MAPK4: variants seen among roughly 807,000 people sequenced by gnomAD.
MAPK4 encodes the protein Erk3-related.
Under a neutral mutation model 47.7 loss-of-function variants are expected in MAPK4, and 22 were observed. The ratio of observed to expected loss-of-function variants is 0.46; its 90% CI spans 0.33 to 0.66. The LOEUF (loss-of-function observed/expected upper bound fraction) is 0.66. Ranked by LOEUF, MAPK4 falls within the 30% of genes least tolerant of loss-of-function variation. The probability of loss-of-function intolerance (pLI) is 0.02; values close to 1 mark genes in which losing one functional copy is unlikely to be tolerated. For synonymous variants in MAPK4, 390 were observed against 365.7 expected (o/e 1.07, Z -0.76); for missense variants, 736 against 831.7 (o/e 0.88, Z 1.42).
intron 1 of MAPK4, among the ~76,000 whole-genome samples, chr18:50,563,890 C>A (rs187003394): frequency 1.5e-4 from 23 of 152,276 alleles, no homozygotes; most frequent in Admixed American, 9.2e-4. Flanking sequence ...GAATGTAGGT[C>A]ACTGTGTTCT....
intron 1 of MAPK4, among the ~76,000 whole-genome samples, chr18:50,646,192 G>C (rs1053938920): frequency 6.6e-6 from 1 of 152,204 alleles, no homozygotes. Flanking sequence ...TTTTAAGCCA[G>C]AGGTTCTCAA....
intron 1 of MAPK4, among the ~76,000 whole-genome samples, chr18:50,580,554 C>T (rs1368975272): frequency 6.6e-6 from 1 of 152,172 alleles, no homozygotes; most frequent in Non-Finnish European, 1.5e-5. Context: ...AAGGGGACTT[C>T]CATCAACCTA....
chr18:50,637,248 C>T (rs1470792114), intron 1 of MAPK4, among the ~76,000 whole-genome samples: 1 of 152,156 alleles, frequency 6.6e-6, no homozygotes, highest in Non-Finnish European at 1.5e-5. Flanking sequence ...TTATTGAGCG[C>T]ATAGCATGGG....
chr18:50,722,497 G>A (rs1910986238), intron 4 of MAPK4, among the ~76,000 whole-genome samples: 1 of 152,176 alleles, frequency 6.6e-6, no homozygotes. Context: ...TGTGGCCTCA[G>A]GCAAGGACCG....
intron 1 of MAPK4, among the ~76,000 whole-genome samples, chr18:50,656,094 C>A (rs2043107281): frequency 6.6e-6 from 1 of 152,182 alleles, no homozygotes; most frequent in African/African-American, 2.4e-5. Flanking sequence ...TCAAGGAGGG[C>A]TTTTCAAGGC....
intron 1 of MAPK4, among the ~76,000 whole-genome samples, chr18:50,601,030 G>A (rs1190210745): frequency 6.6e-6 from 1 of 151,364 alleles, no homozygotes; most frequent in Admixed American, 6.6e-5. Flanking sequence ...GGCCGAGGTG[G>A]GCAGATCACT....
intron 1 of MAPK4, among the ~76,000 whole-genome samples, chr18:50,634,315 C>CTT (rs5824846): frequency 0.35 from 50,858 of 143,678 alleles, 9,179 homozygotes; most frequent in East Asian, 0.48. Flanking sequence ...TTTTTTTTTT[C>CTT]TTTTTTTTTT....
At chr18:50,686,663 G>A (rs569029181) in intron 2 of MAPK4, among the ~76,000 whole-genome samples, 1 of 152,324 alleles carries the variant, frequency 6.6e-6, no homozygotes, top group East Asian at 1.9e-4. Context: ...TCCAATGTGA[G>A]CCCAGTGGAC....
chr18:50,567,809 T>A (rs1272702716), intron 1 of MAPK4, among the ~76,000 whole-genome samples: 3 of 151,118 alleles, frequency 2.0e-5, no homozygotes, highest in Non-Finnish European at 4.4e-5. Flanking sequence ...ATTATCTATT[T>A]GAGTGTAGTG....
intron 1 of MAPK4, among the ~76,000 whole-genome samples, chr18:50,642,024 A>C (rs188177086): frequency 2.0e-4 from 31 of 152,342 alleles, no homozygotes; most frequent in Non-Finnish European, 2.2e-4. Flanking sequence ...CATGTAAAAC[A>C]AAATATGTTT....
chr18:50,721,441 A>AT (rs1423693140), intron 3 of MAPK4, among the ~76,000 whole-genome samples: 4 of 152,208 alleles, frequency 2.6e-5, no homozygotes, highest in Non-Finnish European at 5.9e-5. Context: ...TGTGCTCAAG[A>AT]TACATCCCAA....
chr18:50,729,392 G>C lies in MAPK4; in HGVS notation c.1302G>C (p.Ser434=). 1 of 1,564,374 alleles carries C rather than the reference G, an allele frequency of 6.4e-7. No homozygotes were observed. Among genetic ancestry groups the C allele is most frequent in the East Asian group, 2.3e-5 (1 of 42,654 alleles). Residue 434 remains serine, a synonymous_variant, in exon 6 of 6, where the codon TCG becomes TCC. Transcript: ENST00000400384. Reference sequence around the variant, plus strand: ...GCTCCTGCGACTACAAGGTGGGGTCGCCGTCCTACCTGGACAAGCTGCTGT... The same window carrying C: ...GCTCCTGCGACTACAAGGTGGGGTCCCCGTCCTACCTGGACAAGCTGCTGT... The part of the protein sequence containing the change: ...YGRSCDYKVG[S]PSYLDKLLWR...
chr18:50,721,358 G>C (rs1910925370), intron 3 of MAPK4, among the ~76,000 whole-genome samples: 3 of 152,192 alleles, frequency 2.0e-5, no homozygotes, highest in Non-Finnish European at 4.4e-5. Context: ...AGTCCATCCT[G>C]TCCCACCAAA....
intron 1 of MAPK4, among the ~76,000 whole-genome samples, chr18:50,648,375 C>A (rs935829819): frequency 6.6e-6 from 1 of 152,070 alleles, no homozygotes; most frequent in Non-Finnish European, 1.5e-5. Context: ...AAGACAGGTG[C>A]AGGCATGACC....
chr18:50,617,749 A>T lies in MAPK4; in HGVS notation c.-870-45340A>T, dbSNP rs542669363. Among the ~76,000 whole-genome samples the T allele has an allele frequency of 6.0e-4, 91 of 152,338 alleles. No homozygotes were observed. In the South Asian group the frequency reaches 0.018, roughly 31 times the overall value. ...CATGATTTAAAATCTTCTCTAGAAC[A>T]TTCCTGTTACAGCTTTACTACTACT... is the stretch of plus-strand genomic sequence containing the variant. On this transcript the variant is annotated intron_variant, in intron 1 of 5. Transcript: ENST00000400384.
chr18:50,671,853 G>A (rs544535632), intron 2 of MAPK4, among the ~76,000 whole-genome samples: 26 of 147,376 alleles, frequency 1.8e-4, no homozygotes, highest in African/African-American at 6.1e-4. Flanking sequence ...TTATACCATC[G>A]CACTTCAGCC....
intron 3 of MAPK4, among the ~76,000 whole-genome samples, chr18:50,718,470 A>C (rs1039122342): frequency 4.6e-5 from 7 of 152,204 alleles, no homozygotes; most frequent in Non-Finnish European, 1.0e-4. Context: ...CACCTGCCTC[A>C]GCCTCCCAAA....
rs554214382 is a variant in MAPK4, at chr18:50,729,213, G to T, written c.1123G>T (p.Ala375Ser). Residue 375 changes from alanine to serine, a missense_variant, in exon 6 of 6, where the codon GCC (alanine) becomes TCC (serine). Coordinates refer to ENST00000400384, the MANE Select transcript of MAPK4 (RefSeq NM_002747.4). ...GTGGCGGCCTGACCGGTGCCAGGAC[G>T]CCAGCGAGGTACAGCGCGACCCGCG... ...LEWRPDRCQD[A>S]SEVQRDPRAG... is the part of the protein sequence containing the mutation. 6.3e-7 allele frequency: 1 copy of T among 1,599,542 alleles called. No individual in the cohort carries two copies. Among genetic ancestry groups the T allele is most frequent in the African/African-American group, 1.3e-5 (1 of 74,638 alleles).
At position 50,663,925 on chromosome 18, in the gene MAPK4, G is replaced by A. The variant is rs1660489942; in HGVS notation, c.-34G>A. ...CTTGGCCTTTCCTGACTGCCCCTGT[G>A]TTACCTGGGCAGCTCCAGATCACTG... On this transcript the variant is annotated 5_prime_UTR_variant, in exon 2 of 6. Transcript: ENST00000400384. The A allele has an allele frequency of 6.4e-7, 1 of 1,573,706 alleles. No homozygotes were observed. The highest frequency in any genetic ancestry group is 8.7e-7 in the Non-Finnish European group (1 of 1,155,726).
Sources: gnomAD v4.1 joint callset for allele counts (sites outside exome capture counted in the v4.1 genomes callset) on GRCh38, gnomAD v4.1.1 for gene constraint, MANE v1.5 for transcripts, NCBI Gene and HGNC (gene_info 2026-07-23, HGNC 2026-07-21) for gene names.